LAMA3: variants seen among roughly 807,000 people sequenced by gnomAD.
LAMA3 encodes the protein laminin subunit alpha 3.
LAMA3 carries 281 observed loss-of-function variants against 402.0 expected under a neutral mutation model. The observed-to-expected ratio is 0.70, with a 90% CI of 0.63 to 0.77. LAMA3 has a LOEUF of 0.77. Among genes scored for constraint, LAMA3 ranks in the 30% least tolerant of loss-of-function variants. The pLI, the probability that LAMA3 is intolerant of heterozygous loss-of-function variation, is 0.00. For missense variants in LAMA3, 3,840 were observed against 4,215.5 expected (o/e 0.91, Z 2.47); for synonymous variants, 1,431 against 1,558.4 (o/e 0.92, Z 1.93).
rs577583350 is a variant in LAMA3, at chr18:23,822,147, A to G, written c.2305-105A>G. 82 of 1,263,878 alleles carry G rather than the reference A, an allele frequency of 6.5e-5. 2 individuals are homozygous for G. The African/African-American group carries it at 1.0e-3, about 16-fold the overall frequency. 78.3% of individuals were successfully genotyped at this position (1,263,878 alleles called of 1,614,324 possible). A position where few individuals can be genotyped will look rare whatever the true frequency, so the allele number is the denominator to read the frequency against. On this transcript the variant is annotated intron_variant, in intron 19 of 74. Transcript: ENST00000313654. ...TGTGTATGTGTGTGTATGTGTGTACATTACAAGTCCAGTAGTGACACTTGA... is the reference window on the plus strand; with the variant it reads ...TGTGTATGTGTGTGTATGTGTGTACGTTACAAGTCCAGTAGTGACACTTGA...
chr18:23,864,721 C>T (rs1477383281), intron 35 of LAMA3, 64 bp from the exon 36 acceptor site: 31 of 1,048,982 alleles, frequency 3.0e-5, no homozygotes, highest in Middle Eastern at 4.2e-4. Flanking sequence ...GCTTTTCATG[C>T]GGGTTGATGT....
At chr18:23,903,197 G>A (rs1332169468) in intron 49 of LAMA3, 72 bp downstream of exon 49, 1 of 938,068 alleles carries the variant, frequency 1.1e-6, no homozygotes, top group Admixed American at 1.7e-5. Context: ...CAATGAAATG[G>A]GCTGACCTAC....
In LAMA3 at chr18:23,840,066, G is replaced by A. The variant is rs190826513; in HGVS notation, c.3336+137G>A. The A allele has an allele frequency of 5.2e-4, 481 of 933,166 alleles. 1 individual carries two copies. The African/African-American group carries it at 7.0e-3, about 14-fold the overall frequency. The allele number at this position is 933,166 out of a possible 1,614,324, so 57.8% of individuals were successfully genotyped here. On this transcript the variant is annotated intron_variant, in intron 27 of 74. Coordinates refer to ENST00000313654, the MANE Select transcript of LAMA3 (RefSeq NM_198129.4). ...CTACTGAGTTGGAAGCTCTGGGGGT[G>A]GGCCCAGGAATCTGTGTTTTAACAA...
At chr18:23,952,887 A>G in intron 73 of LAMA3, 103 bp from the exon 74 acceptor site, 1 of 1,504,630 alleles carries the variant, frequency 6.6e-7, no homozygotes, top group Non-Finnish European at 9.2e-7. Flanking sequence ...TGCAAACAGC[A>G]CTCCCACAGG....
At chr18:23,853,617 G>A (rs2063996075) in intron 32 of LAMA3, among the ~76,000 whole-genome samples, 1 of 152,118 alleles carries the variant, frequency 6.6e-6, no homozygotes, top group African/African-American at 2.4e-5. Context: ...ATCTGGGCCT[G>A]ATTCTCTGAG....
chr18:23,838,070 A>G (rs2063622242), intron 25 of LAMA3, among the ~76,000 whole-genome samples: 2 of 152,198 alleles, frequency 1.3e-5, no homozygotes, highest in African/African-American at 4.8e-5. Flanking sequence ...AATGCCATTC[A>G]GAGTCAAGGC....
rs113192464 is a variant in LAMA3 at position 23,912,585 on chromosome 18, C to T, written c.7159-126C>T. On this transcript the variant is annotated intron_variant, in intron 55 of 74. Coordinates refer to ENST00000313654, the MANE Select transcript of LAMA3 (RefSeq NM_198129.4). ...CCAGGGCTTAGAGACATTCACATTCCCTTGCTCCTTATCATAACAACTCAG... is the reference window on the plus strand; with the variant it reads ...CCAGGGCTTAGAGACATTCACATTCTCTTGCTCCTTATCATAACAACTCAG... 754 of 780,468 alleles carry T rather than the reference C, an allele frequency of 9.7e-4. 4 individuals are homozygous for T. The African/African-American group carries it at 0.011, about 11-fold the overall frequency. The allele number at this position is 780,468 out of a possible 1,614,324, so 48.3% of individuals were successfully genotyped here. A position where few individuals can be genotyped will look rare whatever the true frequency, so the allele number is the denominator to read the frequency against.
intron 74 of LAMA3, among the ~76,000 whole-genome samples, chr18:23,954,218 A>G (rs2083029270): frequency 6.6e-6 from 1 of 152,004 alleles, no homozygotes; most frequent in Non-Finnish European, 1.5e-5. Flanking sequence ...CCTGGGCAAC[A>G]TAGTGAGACC....
rs144495717 is a variant in LAMA3, at chr18:23,883,156, C to T, written c.5222+1111C>T. Among the ~76,000 whole-genome samples the T allele has an allele frequency of 5.5e-4, 84 of 152,220 alleles. 2 individuals carry two copies. The highest frequency in any genetic ancestry group is 5.2e-3 in the East Asian group (27 of 5,158). ...GTGAGGTTGGTGGAGCAACCAGGACCCAGATCCTGCAGAACCCTGCAGGCT... is the reference window on the plus strand; with the variant it reads ...GTGAGGTTGGTGGAGCAACCAGGACTCAGATCCTGCAGAACCCTGCAGGCT... On this transcript the variant is annotated intron_variant, in intron 40 of 74. Coordinates refer to ENST00000313654, the MANE Select transcript of LAMA3 (RefSeq NM_198129.4).
chr18:23,791,018 A>G (rs964315133), intron 12 of LAMA3, among the ~76,000 whole-genome samples: 2 of 151,700 alleles, frequency 1.3e-5, no homozygotes, highest in African/African-American at 2.4e-5. Flanking sequence ...CCTCTCCAGT[A>G]GCTGGTACTA....
chr18:23,873,289 G>A (rs2064593967), intron 38 of LAMA3: 8 of 1,297,114 alleles, frequency 6.2e-6, no homozygotes, highest in South Asian at 3.6e-5. Flanking sequence ...TTACAGTTAC[G>A]GTGATTAATG....
At chr18:23,782,707 T>C (rs1598782876) in intron 11 of LAMA3, among the ~76,000 whole-genome samples, 1 of 152,170 alleles carries the variant, frequency 6.6e-6, no homozygotes, top group East Asian at 1.9e-4. Context: ...GACCATGGGC[T>C]TTGAAATCTG....
At position 23,693,504 on chromosome 18, in the gene LAMA3, C is replaced by T. The variant is rs368899380; in HGVS notation, c.294+3527C>T. On this transcript the variant is annotated intron_variant, in intron 1 of 74. Transcript: ENST00000313654. Reference sequence around the variant, plus strand: ...AGTAGATCTGCTAGCAGGATTCCCTCAGCTCTTGAGAGTGAGACTCTGTAT... The same window carrying T: ...AGTAGATCTGCTAGCAGGATTCCCTTAGCTCTTGAGAGTGAGACTCTGTAT... Among the ~76,000 whole-genome samples the T allele has an allele frequency of 3.4e-4, 50 of 148,166 alleles. 1 individual carries two copies. In the South Asian group the frequency reaches 0.011, roughly 31 times the overall value.
intron 11 of LAMA3, among the ~76,000 whole-genome samples, chr18:23,781,711 C>T (rs922530384): frequency 6.6e-6 from 1 of 152,170 alleles, no homozygotes; most frequent in Non-Finnish European, 1.5e-5. Flanking sequence ...GACTCCCAGT[C>T]TCCGGTGATA....
intron 69 of LAMA3, among the ~76,000 whole-genome samples, chr18:23,944,558 C>T (rs2082639243): frequency 6.6e-6 from 1 of 152,102 alleles, no homozygotes; most frequent in Non-Finnish European, 1.5e-5. Context: ...AACACTAGAG[C>T]AAGGTAAGAA....
intron 7 of LAMA3, among the ~76,000 whole-genome samples, chr18:23,761,368 T>G (rs915082066): frequency 6.6e-6 from 1 of 152,230 alleles, no homozygotes; most frequent in African/African-American, 2.4e-5. Flanking sequence ...ATTATTCCCA[T>G]ACGATTACCA....
At chr18:23,874,009 C>T (rs1047069323) in intron 38 of LAMA3, among the ~76,000 whole-genome samples, 1 of 152,082 alleles carries the variant, frequency 6.6e-6, no homozygotes, top group Non-Finnish European at 1.5e-5. Context: ...AAAAATGATT[C>T]TATTTTAGTA....
chr18:23,851,342 G>A (rs939590419), intron 32 of LAMA3, among the ~76,000 whole-genome samples: 6 of 152,146 alleles, frequency 3.9e-5, no homozygotes, highest in African/African-American at 1.2e-4. Flanking sequence ...TGCTTCTCTG[G>A]CCATTTCACT....
intron 39 of LAMA3, 139 bp downstream of exon 39, chr18:23,876,546 A>G: frequency 1.6e-6 from 1 of 639,938 alleles, no homozygotes. Context: ...ATGAGGCTCC[A>G]TTATCAGGCT....
Sources: gnomAD v4.1 joint callset for allele counts (sites outside exome capture counted in the v4.1 genomes callset) on GRCh38, gnomAD v4.1.1 for gene constraint, MANE v1.5 for transcripts, NCBI Gene and HGNC (gene_info 2026-07-23, HGNC 2026-07-21) for gene names.